Variants in GABRG3 observed in about 807,000 individuals in gnomAD.
GABRG3 encodes gamma-aminobutyric acid type A receptor subunit gamma3.
GABRG3 carries 25 observed loss-of-function variants against 48.8 expected under a neutral mutation model. The ratio of observed to expected loss-of-function variants is 0.51; its 90% CI spans 0.37 to 0.72. The LOEUF (loss-of-function observed/expected upper bound fraction) is 0.72. Ranked by LOEUF, GABRG3 falls within the 30% of genes least tolerant of loss-of-function variation. GABRG3 has a pLI of 0.00. For synonymous variants in GABRG3, 227 were observed against 217.6 expected (o/e 1.04, Z -0.38); for missense variants, 394 against 577.9 (o/e 0.68, Z 3.26).
chr15:27,140,018 G>A (rs996620728), intron 3 of GABRG3, among the ~76,000 whole-genome samples: 1 of 152,210 alleles, frequency 6.6e-6, no homozygotes, highest in African/African-American at 2.4e-5. Flanking sequence ...CCGGAGGCAG[G>A]TGCCAGGGAG....
chr15:27,236,444 C>T lies in GABRG3; in HGVS notation c.271-90365C>T, dbSNP rs998478890. ...CCATGACAGGACAGGAGGTAGGACA[C>T]GCCTCAGTGTACCCTTCCTCAGTAA... On this transcript the variant is annotated intron_variant, in intron 3 of 9. Coordinates refer to ENST00000615808, the MANE Select transcript of GABRG3 (RefSeq NM_033223.5). The surrounding 1 kb of genome is among the most constrained non-coding windows in gnomAD (Gnocchi z 4.4). 3.3e-5 allele frequency among the ~76,000 whole-genome samples: 5 copies of T among 152,206 alleles called. No individual in the cohort carries two copies. Among genetic ancestry groups the T allele is most frequent in the South Asian group, 4.1e-4 (2 of 4,830 alleles).
At chr15:27,084,848 C>T (rs1897049992) in intron 3 of GABRG3, among the ~76,000 whole-genome samples, 1 of 152,142 alleles carries the variant, frequency 6.6e-6, no homozygotes, top group Non-Finnish European at 1.5e-5. Flanking sequence ...GCTTCCTGGG[C>T]TCTTCAGAGC....
At chr15:27,156,298 CAAAAAAAAAAA>C (rs34055206) in intron 3 of GABRG3, among the ~76,000 whole-genome samples, 2 of 78,122 alleles carry the variant, frequency 2.6e-5, no homozygotes, top group East Asian at 4.1e-4. Context: ...CACTCTGTCT[CAAAAAAAAAAA>C]AAAAAAAAAA....
At chr15:27,512,823 C>G (rs1890927035) in intron 6 of GABRG3, among the ~76,000 whole-genome samples, 1 of 152,090 alleles carries the variant, frequency 6.6e-6, no homozygotes, top group Admixed American at 6.5e-5. Context: ...TGAGTTGACC[C>G]CTGCAGGCAC....
At chr15:27,512,001 A>G (rs1890906980) in intron 6 of GABRG3, among the ~76,000 whole-genome samples, 1 of 152,190 alleles carries the variant, frequency 6.6e-6, no homozygotes, top group African/African-American at 2.4e-5. Context: ...ACAGTGGGGC[A>G]AGAGCTGTTT....
Position 27,079,546 on chromosome 15 carries a change from C to T in GABRG3, c.270+52725C>T, listed in dbSNP as rs576374406. ...ACTGCAGGATTGATGTAAGTCTTGGCGAGGGCTAACAATCTATCAAGCAGC... is the reference window on the plus strand; with the variant it reads ...ACTGCAGGATTGATGTAAGTCTTGGTGAGGGCTAACAATCTATCAAGCAGC... On this transcript the variant is annotated intron_variant, in intron 3 of 9. Coordinates refer to ENST00000615808, the MANE Select transcript of GABRG3 (RefSeq NM_033223.5). Among the ~76,000 whole-genome samples, 13 of 151,958 alleles carry T rather than the reference C, an allele frequency of 8.6e-5. No homozygotes were observed. In the East Asian group the frequency reaches 1.2e-3, roughly 14 times the overall value.
intron 3 of GABRG3, among the ~76,000 whole-genome samples, chr15:27,108,430 G>T (rs1411449226): frequency 6.6e-6 from 1 of 152,110 alleles, no homozygotes. Flanking sequence ...TTCTGTTCTT[G>T]TAAGTGTGTT....
chr15:27,024,848 G>A (rs1895956109), intron 2 of GABRG3, among the ~76,000 whole-genome samples: 1 of 152,048 alleles, frequency 6.6e-6, no homozygotes, highest in Non-Finnish European at 1.5e-5. Context: ...CTAACATGGT[G>A]AAACCCCGTC....
intron 3 of GABRG3, among the ~76,000 whole-genome samples, chr15:27,130,428 ACTT>A (rs909250662): frequency 1.2e-4 from 18 of 152,046 alleles, no homozygotes; most frequent in Admixed American, 2.0e-4. Flanking sequence ...TAATTACCAT[ACTT>A]TTTTGATTAC....
At chr15:27,341,730 G>A (rs1254154799) in intron 5 of GABRG3, among the ~76,000 whole-genome samples, 2 of 152,154 alleles carry the variant, frequency 1.3e-5, no homozygotes, top group African/African-American at 4.8e-5. Context: ...CACGGCTATT[G>A]TTACCCCATT....
chr15:27,353,800 A>C (rs1894735555), intron 5 of GABRG3, among the ~76,000 whole-genome samples: 1 of 152,148 alleles, frequency 6.6e-6, no homozygotes. Flanking sequence ...AACCATATCC[A>C]AGAAGTCTTC....
At chr15:27,506,796 TTTTTC>T (rs1271379047) in intron 6 of GABRG3, among the ~76,000 whole-genome samples, 2 of 152,172 alleles carry the variant, frequency 1.3e-5, no homozygotes, top group Non-Finnish European at 2.9e-5. Flanking sequence ...TTTGGGTTTT[TTTTTC>T]TTTTAAATTT....
At position 26,974,420 on chromosome 15, in the gene GABRG3, T is replaced by C; in HGVS notation, c.54-2582T>C. Among the ~76,000 whole-genome samples the C allele has an allele frequency of 6.6e-6, 1 of 152,008 alleles. No individual in the cohort carries two copies. Among genetic ancestry groups the C allele is most frequent in the East Asian group, 1.9e-4 (1 of 5,170 alleles). On this transcript the variant is annotated intron_variant, in intron 1 of 9. Transcript: ENST00000615808. This position sits in a 1 kb window ranked among gnomAD's most constrained non-coding sequence, Gnocchi z 4.3. ...AATGATGAAAAGCTGGTTACTGTGC[T>C]CGGTTTGTGTGTATGTGATTATCAG...
intron 3 of GABRG3, among the ~76,000 whole-genome samples, chr15:27,246,523 A>G (rs1335480369): frequency 6.6e-6 from 1 of 152,250 alleles, no homozygotes; most frequent in East Asian, 1.9e-4. Flanking sequence ...AAGACATAAC[A>G]TAAAACATTA....
intron 6 of GABRG3, among the ~76,000 whole-genome samples, chr15:27,518,195 C>CCAAAAAAAAAAAAAAAAAAA (rs1891069540): frequency 2.3e-5 from 2 of 88,032 alleles, no homozygotes; most frequent in African/African-American, 8.5e-5. Flanking sequence ...ACTAAAAATA[C>CCAAAAAAAAAAAAAAAAAAA]AAAAAAAAAA....
intron 3 of GABRG3, among the ~76,000 whole-genome samples, chr15:27,129,118 C>T (rs2140381511): frequency 6.6e-6 from 1 of 152,164 alleles, no homozygotes; most frequent in East Asian, 1.9e-4. Flanking sequence ...TCATTAAGAA[C>T]ATTCAGATTG....
At chr15:27,509,468 A>G (rs1035186361) in intron 6 of GABRG3, among the ~76,000 whole-genome samples, 1 of 152,190 alleles carries the variant, frequency 6.6e-6, no homozygotes, top group African/African-American at 2.4e-5. Flanking sequence ...GAATTCAAAT[A>G]ATATGTATAT....
At chr15:27,169,944 G>C (rs1274768888) in intron 3 of GABRG3, among the ~76,000 whole-genome samples, 5 of 151,482 alleles carry the variant, frequency 3.3e-5, no homozygotes, top group Non-Finnish European at 5.9e-5. Context: ...AGAGAGGAAA[G>C]AAATCTTACC....
At chr15:27,401,197 T>C (rs1196767626) in intron 5 of GABRG3, among the ~76,000 whole-genome samples, 1 of 152,200 alleles carries the variant, frequency 6.6e-6, no homozygotes, top group African/African-American at 2.4e-5. Flanking sequence ...TTGAGCTCAC[T>C]GGTAGATGTT....
Sources: allele counts gnomAD v4.1 joint callset (sites outside exome capture counted in the v4.1 genomes callset), GRCh38; gene constraint gnomAD v4.1.1; non-coding constraint Gnocchi (gnomAD v3.1); transcripts MANE v1.5; gene names NCBI Gene and HGNC (gene_info 2026-07-23, HGNC 2026-07-21).